SLTM: variants seen among roughly 807,000 people sequenced by gnomAD.
The protein encoded by SLTM is SAFB like transcription modulator, also known as SAFB-like transcription modulator.
In SLTM, 43 loss-of-function variants were observed where a neutral mutation model predicts 134.6. The ratio of observed to expected loss-of-function variants is 0.32; its 90% CI spans 0.25 to 0.41. SLTM has a LOEUF of 0.41. SLTM is among the 10% of genes least tolerant of loss of function. The pLI is 1.00. For missense variants in SLTM, 1,055 were observed against 1,288.8 expected (o/e 0.82, Z 2.78); for synonymous variants, 424 against 432.3 (o/e 0.98, Z 0.24).
Position 58,893,261 on chromosome 15 carries a change from TCC to T in SLTM, c.1734+16_1734+17del. ...AAACAGCTGAAGTAGTATACAACCA[TCC>T]TGATCAGAGACTTACTTTCTCATAT... On this transcript the variant is annotated intron_variant, in intron 13 of 20. Transcript: ENST00000380516. The T allele has an allele frequency of 6.3e-7, 1 of 1,584,976 alleles. No individual in the cohort carries two copies. Among genetic ancestry groups the T allele is most frequent in the Non-Finnish European group, 8.6e-7 (1 of 1,157,782 alleles).
rs2034559924 is a variant in SLTM, at chr15:58,890,406, G to C, written c.1954C>G (p.Arg652Gly). ...AAGCGTTCCCGTTCTTCCCGTTCAC[G>C]AATTATTCTAATGCGTTCTCGCTCT... ...RRERERIRII[R>G]EREERERLQR... Residue 652 changes from arginine (R) to glycine (G), a missense_variant, in exon 15 of 21, where the codon CGT becomes GGT. By Grantham distance (125) the Arg-to-Gly change is moderately radical (BLOSUM62 -2). This residue lies in a region of SLTM where 776 missense variants were observed against 962.2 expected (regional missense o/e 0.81). Transcript: ENST00000380516. 2 of 1,613,666 alleles carry C rather than the reference G, an allele frequency of 1.2e-6. No individual in the cohort carries two copies. Among genetic ancestry groups the C allele is most frequent in the African/African-American group, 2.7e-5 (2 of 74,808 alleles).
intron 19 of SLTM, among the ~76,000 whole-genome samples, chr15:58,884,351 G>A (rs774185022): frequency 3.9e-5 from 6 of 151,978 alleles, no homozygotes; most frequent in African/African-American, 7.2e-5. Context: ...ACAGAGTCTC[G>A]CTCTGTTGCC....
At chr15:58,898,881 T>A in intron 7 of SLTM, 29 bp from the exon 8 acceptor site, 1 of 1,586,628 alleles carries the variant, frequency 6.3e-7, no homozygotes, top group Non-Finnish European at 8.6e-7. Context: ...AGAAGAAAAT[T>A]GAAAACAAAA....
chr15:58,883,677 C>T lies in SLTM; in HGVS notation c.2945G>A (p.Arg982Lys). The T allele has an allele frequency of 6.2e-7, 1 of 1,614,104 alleles. No individual in the cohort carries two copies. The highest frequency in any genetic ancestry group is 8.5e-7 in the Non-Finnish European group (1 of 1,180,026). ...PSQGPSYHDT[R>K]RMGDGRAGAG... ...TCCTGCCCGGCCGTCACCCATTCGC[C>T]TCGTATCATGATAGCTAGGCCCTTG... Residue 982 changes from arginine (R) to lysine (K), a missense_variant, in exon 20 of 21, where the codon AGG becomes AAG. Arg to Lys is a conservative substitution (Grantham distance 26). This residue lies in a region of SLTM where 776 missense variants were observed against 962.2 expected (regional missense o/e 0.81). Coordinates refer to ENST00000380516, the MANE Select transcript of SLTM (RefSeq NM_024755.4).
chr15:58,920,034 G>A (rs1345770959), intron 2 of SLTM, among the ~76,000 whole-genome samples: 1 of 152,118 alleles, frequency 6.6e-6, no homozygotes, highest in Admixed American at 6.5e-5. Context: ...TTATCTTTGA[G>A]GCCGGGCGCA....
At chr15:58,913,770 T>C in intron 3 of SLTM, 74 bp from the exon 4 acceptor site, 1 of 1,073,338 alleles carries the variant, frequency 9.3e-7, no homozygotes, top group Non-Finnish European at 1.4e-6. Flanking sequence ...TTTTTGGTAA[T>C]TTACACCTTT....
At chr15:58,926,806 G>T (rs2037504989) in intron 2 of SLTM, among the ~76,000 whole-genome samples, 2 of 151,964 alleles carry the variant, frequency 1.3e-5, no homozygotes, top group Admixed American at 1.3e-4. Flanking sequence ...TAGAGAGGGG[G>T]TTTCACCATG....
intron 2 of SLTM, chr15:58,932,155 A>C (rs2037923632): frequency 2.0e-6 from 1 of 502,996 alleles, no homozygotes; most frequent in Non-Finnish European, 3.6e-6. Flanking sequence ...CTCACTTTCT[A>C]ATCAGCTTCA....
At chr15:58,917,992 G>C (rs2036765478) in intron 2 of SLTM, among the ~76,000 whole-genome samples, 1 of 151,768 alleles carries the variant, frequency 6.6e-6, no homozygotes, top group East Asian at 1.9e-4. Flanking sequence ...GACCTCAAGT[G>C]ATCTGCCCGC....
chr15:58,882,257 G>A (rs1272377049), intron 20 of SLTM, among the ~76,000 whole-genome samples: 1 of 151,302 alleles, frequency 6.6e-6, no homozygotes, highest in Non-Finnish European at 1.5e-5. Context: ...TTTCCAGTCA[G>A]GGTGAATGAA....
At chr15:58,929,216 C>G (rs553619420) in intron 2 of SLTM, among the ~76,000 whole-genome samples, 7 of 152,002 alleles carry the variant, frequency 4.6e-5, no homozygotes, top group African/African-American at 1.7e-4. Context: ...TTTGGGAGGC[C>G]GAGGCGGGAG....
intron 2 of SLTM, among the ~76,000 whole-genome samples, chr15:58,929,230 T>C (rs2037695410): frequency 6.6e-6 from 1 of 152,116 alleles, no homozygotes; most frequent in African/African-American, 2.4e-5. Flanking sequence ...GCGGGAGGAT[T>C]ACCTGAGGTT....
rs561408838 is a variant in SLTM at position 58,918,231 on chromosome 15, A to T, written c.251-1232T>A. Among the ~76,000 whole-genome samples the T allele has an allele frequency of 4.8e-4, 72 of 150,992 alleles. 1 individual carries two copies. The highest frequency in any genetic ancestry group is 1.5e-3 in the South Asian group (7 of 4,758). ...ATCTGCTGGAAGTTTATTAAAAAAA[A>T]TTTTTTTTTTCATTTCTTTTGAAAC... On this transcript the variant is annotated intron_variant, in intron 2 of 20. Transcript: ENST00000380516.
At chr15:58,887,615 C>T in intron 17 of SLTM, 75 bp from the exon 18 acceptor site, 1 of 1,520,972 alleles carries the variant, frequency 6.6e-7, no homozygotes, top group Non-Finnish European at 8.8e-7. Flanking sequence ...ACTTTGTCTG[C>T]ATAACCTACA....
intron 19 of SLTM, among the ~76,000 whole-genome samples, chr15:58,884,147 T>C (rs1209078089): frequency 6.6e-6 from 1 of 151,586 alleles, no homozygotes; most frequent in Non-Finnish European, 1.5e-5. Flanking sequence ...CTTGGTCTCA[T>C]ACCAACTTAT....
intron 19 of SLTM, among the ~76,000 whole-genome samples, chr15:58,883,993 G>A (rs1332921152): frequency 6.6e-6 from 1 of 151,842 alleles, no homozygotes; most frequent in Non-Finnish European, 1.5e-5. Context: ...CAGCTACTCA[G>A]GAGGCTGGGG....
intron 2 of SLTM, among the ~76,000 whole-genome samples, chr15:58,918,041 C>G (rs1297684204): frequency 6.6e-6 from 1 of 151,618 alleles, no homozygotes; most frequent in East Asian, 1.9e-4. Flanking sequence ...GGCACTGAGC[C>G]ATTGCGCCCA....
At chr15:58,883,170 C>G (rs1286902486) in intron 20 of SLTM, among the ~76,000 whole-genome samples, 1 of 152,146 alleles carries the variant, frequency 6.6e-6, no homozygotes, top group East Asian at 1.9e-4. Flanking sequence ...TAAAAATTAG[C>G]TGGGCATGGT....
At position 58,933,434 on chromosome 15, in the gene SLTM, G is replaced by C. The variant is rs560600955; in HGVS notation, c.132C>G (p.Val44=). 2.5e-6 allele frequency: 4 copies of C among 1,592,694 alleles called. No individual in the cohort carries two copies. The highest frequency in any genetic ancestry group is 2.3e-5 in the South Asian group (2 of 88,722). The change falls in exon 1 of 21, where the codon GTC becomes GTG. Residue 44 remains valine (V), a synonymous_variant. Transcript: ENST00000380516. ...LKRRNLDITG[V]KTVLISRLKQ... ...TGAGTCGGGAGATGAGCACGGTCTT[G>C]ACTCCGGTGATGTCTAAGTTCCGCC...
Sources: allele counts gnomAD v4.1 joint callset (sites outside exome capture counted in the v4.1 genomes callset), GRCh38; gene constraint gnomAD v4.1.1; regional missense constraint gnomAD v4.1.1; transcripts MANE v1.5; gene names NCBI Gene and HGNC (gene_info 2026-07-23, HGNC 2026-07-21).